The following PHC2 variants were observed in gnomAD, a reference collection of about 807,000 sequenced individuals.
PHC2 encodes polyhomeotic-like protein 2.
PHC2 carries 29 observed loss-of-function variants against 87.4 expected under a neutral mutation model. That is an observed-to-expected ratio of 0.33 (90% confidence interval 0.25 to 0.45). The LOEUF (loss-of-function observed/expected upper bound fraction) is 0.45, where lower values mean the gene tolerates loss of function less well. Among genes scored for constraint, PHC2 ranks in the 20% least tolerant of loss-of-function variants. The probability of loss-of-function intolerance (pLI) is 1.00; values close to 1 mark genes in which losing one functional copy is unlikely to be tolerated. For synonymous variants in PHC2, 438 were observed against 461.7 expected (o/e 0.95, Z 0.66); for missense variants, 857 against 1,136.7 (o/e 0.75, Z 3.54).
chr1:33,323,809 G>A lies in PHC2; in HGVS notation c.*1056C>T, dbSNP rs1646315767. 1 of 152,652 alleles carries A rather than the reference G, an allele frequency of 6.6e-6. No homozygotes were observed. The highest frequency in any genetic ancestry group is 2.4e-5 in the African/African-American group (1 of 41,456). The allele number at this position is 152,652 out of a possible 1,614,324, so 9.5% of individuals were successfully genotyped here. A position where few individuals can be genotyped will look rare whatever the true frequency, so the allele number is the denominator to read the frequency against. On this transcript the variant is annotated 3_prime_UTR_variant, in exon 15 of 15. Transcript: ENST00000683057. ...CCTTTCTGCCCTGCCTCCTCCTCAG[G>A]TAGCTCAAATTGCTGCTAGGAAGAT...
In PHC2 at chr1:33,366,068, A is replaced by T. The variant is rs142452108; in HGVS notation, c.976+1048T>A. ...TCTGGTTCCCTTCTTTTGACTGCACACTCTAGGGAAAAATAAAAATCCTAT... is the reference window on the plus strand; with the variant it reads ...TCTGGTTCCCTTCTTTTGACTGCACTCTCTAGGGAAAAATAAAAATCCTAT... On this transcript the variant is annotated intron_variant, in intron 7 of 14. Transcript: ENST00000683057. Among the ~76,000 whole-genome samples, 74 of 152,260 alleles carry T rather than the reference A, an allele frequency of 4.9e-4. No individual in the cohort carries two copies. In the East Asian group the frequency reaches 0.014, roughly 29 times the overall value.
rs1427331760 is a variant in PHC2, at chr1:33,349,956, G to C, written c.1558+4445C>G. ...CCGCCGGGGGCGGGGCGAGGGAGCG[G>C]GGCGGGGAGGGGCGGGGCCGCGGGA... On this transcript the variant is annotated intron_variant, in intron 9 of 14. Coordinates refer to ENST00000683057, the MANE Select transcript of PHC2 (RefSeq NM_001385109.1). This position sits in a 1 kb window ranked among gnomAD's most constrained non-coding sequence, Gnocchi z 4.2. The C allele has an allele frequency of 7.3e-6, 3 of 410,468 alleles. No individual in the cohort carries two copies. The highest frequency in any genetic ancestry group is 9.8e-6 in the Non-Finnish European group (3 of 305,672). 25.4% of individuals were successfully genotyped at this position (410,468 alleles called of 1,614,324 possible). A position where few individuals can be genotyped will look rare whatever the true frequency, so the allele number is the denominator to read the frequency against.
chr1:33,364,189 G>A lies in PHC2; in HGVS notation c.976+2927C>T, dbSNP rs1167526266. 6.6e-6 allele frequency among the ~76,000 whole-genome samples: 1 copy of A among 152,010 alleles called. No homozygotes were observed. Among genetic ancestry groups the A allele is most frequent in the Non-Finnish European group, 1.5e-5 (1 of 68,004 alleles). ...GGACTGGAGGGTCTGCCTGCTCTGGGAGGAAACAGCCCCCAGGAGAACACA... is the reference window on the plus strand; with the variant it reads ...GGACTGGAGGGTCTGCCTGCTCTGGAAGGAAACAGCCCCCAGGAGAACACA... On this transcript the variant is annotated intron_variant, in intron 7 of 14. Coordinates refer to ENST00000683057, the MANE Select transcript of PHC2 (RefSeq NM_001385109.1). This position sits in a 1 kb window ranked among gnomAD's most constrained non-coding sequence, Gnocchi z 4.1.
At chr1:33,404,032 C>G (rs750959258) in intron 1 of PHC2, among the ~76,000 whole-genome samples, 9 of 152,186 alleles carry the variant, frequency 5.9e-5, no homozygotes, top group Non-Finnish European at 1.0e-4. Context: ...ATCCATACAT[C>G]AAAGATTTAG....
In PHC2 at chr1:33,335,249, G is replaced by A; in HGVS notation, c.1559-957C>T. 5 of 985,298 alleles carry A rather than the reference G, an allele frequency of 5.1e-6. No homozygotes were observed. The South Asian group carries it at 1.9e-4, about 37-fold the overall frequency. The allele number at this position is 985,298 out of a possible 1,614,324, so 61.0% of individuals were successfully genotyped here. ...TGAGCTGTCTCATTGTCTTAGACGT[G>A]CAAGACTTCATCTCCTCACTTCTGT... On this transcript the variant is annotated intron_variant, in intron 9 of 14. Coordinates refer to ENST00000683057, the MANE Select transcript of PHC2 (RefSeq NM_001385109.1).
intron 1 of PHC2, among the ~76,000 whole-genome samples, chr1:33,401,725 T>G (rs932129129): frequency 2.6e-5 from 4 of 152,164 alleles, no homozygotes; most frequent in Admixed American, 2.6e-4. Flanking sequence ...TATGAACACT[T>G]GCTATATGAC....
chr1:33,421,687 G>A (rs1481560456), intron 1 of PHC2, among the ~76,000 whole-genome samples: 1 of 152,202 alleles, frequency 6.6e-6, no homozygotes, highest in East Asian at 1.9e-4. Context: ...CATGGGTGGT[G>A]TGTTGTTTCT....
At chr1:33,430,695 T>A (rs546819420) in intron 1 of PHC2, among the ~76,000 whole-genome samples, 1 of 151,574 alleles carries the variant, frequency 6.6e-6, no homozygotes, top group Admixed American at 6.6e-5. Context: ...TCGCTGCGCG[T>A]TCCCGGCCCG....
rs747863501 is a variant in PHC2 at position 33,355,228 on chromosome 1, C to T, written c.1002G>A (p.Gln334=). 6 of 1,586,526 alleles carry T rather than the reference C, an allele frequency of 3.8e-6. No individual in the cohort carries two copies. Among genetic ancestry groups the T allele is most frequent in the Admixed American group, 3.4e-5 (2 of 58,920 alleles). Residue 334 remains glutamine, a synonymous_variant, in exon 8 of 15, where the codon CAG becomes CAA. Coordinates refer to ENST00000683057, the MANE Select transcript of PHC2 (RefSeq NM_001385109.1). ...APAYAQLQPH[Q]LLPQPSSKHL... ...GCTTTGAGGATGGCTGTGGGAGGAGCTGGTGTGGCTGCAGCTGAGCATAGG... is the reference window on the plus strand; with the variant it reads ...GCTTTGAGGATGGCTGTGGGAGGAGTTGGTGTGGCTGCAGCTGAGCATAGG...
At chr1:33,415,821 G>C (rs1173156817) in intron 1 of PHC2, among the ~76,000 whole-genome samples, 2 of 152,148 alleles carry the variant, frequency 1.3e-5, no homozygotes, top group Non-Finnish European at 2.9e-5. Flanking sequence ...GTGTAAAAAA[G>C]ACATAAATTA....
intron 7 of PHC2, among the ~76,000 whole-genome samples, chr1:33,365,133 C>T (rs755947817): frequency 1.3e-5 from 2 of 152,114 alleles, no homozygotes; most frequent in African/African-American, 2.4e-5. Context: ...GAGTGCGTGA[C>T]GGATGTGGTA....
At chr1:33,403,816 C>T (rs759045514) in intron 1 of PHC2, among the ~76,000 whole-genome samples, 1 of 152,180 alleles carries the variant, frequency 6.6e-6, no homozygotes, top group Admixed American at 6.5e-5. Context: ...GCTGACCATT[C>T]TTTTCCTTGA....
Position 33,334,160 on chromosome 1 carries a change from A to G in PHC2, c.1691T>C (p.Ile564Thr), listed in dbSNP as rs776160542. 3.7e-6 allele frequency: 6 copies of G among 1,613,984 alleles called. No homozygotes were observed. Among genetic ancestry groups the G allele is most frequent in the Non-Finnish European group, 2.5e-6 (3 of 1,179,986 alleles). ...QNGENKPPQA[I>T]VKPQILTHVI... ...ATGCGTCAGGATTTGGGGTTTCACA[A>G]TGGCCTGTGGTGGTTTATTCTCACC... The change falls in exon 10 of 15, where the codon ATT becomes ACT. Residue 564 changes from isoleucine (I) to threonine (T), a missense_variant. Around this residue, in one of 3 missense-constraint regions of PHC2, gnomAD observed 832 missense variants for 1,081.8 expected, o/e 0.77. Transcript: ENST00000683057. This position sits in a 1 kb window ranked among gnomAD's most constrained non-coding sequence, Gnocchi z 5.5.
Position 33,349,106 on chromosome 1 carries a change from A to G in PHC2, c.1558+5295T>C. 7.1e-6 allele frequency: 7 copies of G among 985,364 alleles called. No homozygotes were observed. Among genetic ancestry groups the G allele is most frequent in the Non-Finnish European group, 8.4e-6 (7 of 829,814 alleles). 61.0% of individuals were successfully genotyped at this position (985,364 alleles called of 1,614,324 possible). A position where few individuals can be genotyped will look rare whatever the true frequency, so the allele number is the denominator to read the frequency against. On this transcript the variant is annotated intron_variant, in intron 9 of 14. Coordinates refer to ENST00000683057, the MANE Select transcript of PHC2 (RefSeq NM_001385109.1). This position sits in a 1 kb window ranked among gnomAD's most constrained non-coding sequence, Gnocchi z 4.2. ...CGCTCTTCTAAAAATGGAAGAAAAG[A>G]CACAGAACAGCTTGTCCCTTTCCAT...
chr1:33,329,938 A>G (rs1186288379), intron 13 of PHC2, 133 bp downstream of exon 13: 2 of 950,482 alleles, frequency 2.1e-6, no homozygotes, highest in East Asian at 2.6e-5. Flanking sequence ...TCGACTGGAC[A>G]GGTCTACAAG....
chr1:33,376,933 A>T (rs967516858), intron 1 of PHC2, among the ~76,000 whole-genome samples: 2 of 152,108 alleles, frequency 1.3e-5, no homozygotes, highest in Admixed American at 6.5e-5. Context: ...AATCAAATAA[A>T]CTGAGGTGTT....
At chr1:33,387,473 G>A (rs905892379) in intron 1 of PHC2, among the ~76,000 whole-genome samples, 2 of 152,186 alleles carry the variant, frequency 1.3e-5, no homozygotes, top group Admixed American at 1.3e-4. Flanking sequence ...CCTTAATTAG[G>A]TATGTAGATG....
At chr1:33,353,437 C>T (rs914464943) in intron 9 of PHC2, 1 of 152,252 alleles carries the variant, frequency 6.6e-6, no homozygotes, top group African/African-American at 2.4e-5. Flanking sequence ...AACCCCTTCT[C>T]ATCTGCAAGT....
chr1:33,376,742 A>C (rs941734416), intron 1 of PHC2, among the ~76,000 whole-genome samples: 1 of 152,208 alleles, frequency 6.6e-6, no homozygotes, highest in African/African-American at 2.4e-5. Context: ...CATCCTGGCC[A>C]ACATGGTGAA....
Sources: allele counts gnomAD v4.1 joint callset (sites outside exome capture counted in the v4.1 genomes callset), GRCh38; gene constraint gnomAD v4.1.1; regional missense constraint gnomAD v4.1.1; non-coding constraint Gnocchi (gnomAD v3.1); transcripts MANE v1.5; gene names NCBI Gene and HGNC (gene_info 2026-07-23, HGNC 2026-07-21).